Variants in METTL16 observed in about 807,000 individuals in gnomAD.
METTL16 encodes the protein RNA N(6)-adenosine-methyltransferase METTL16.
In METTL16, 19 loss-of-function variants were observed where a neutral mutation model predicts 57.9. The observed-to-expected ratio is 0.33, with a 90% CI of 0.23 to 0.48. METTL16 has a LOEUF of 0.48. METTL16 is among the 20% of genes least tolerant of loss of function. The pLI is 0.99. For missense variants in METTL16, 434 were observed against 691.5 expected (o/e 0.63, Z 4.18); for synonymous variants, 246 against 255.6 (o/e 0.96, Z 0.36).
At chr17:2,509,178 C>T (rs983480326) in intron 1 of METTL16, among the ~76,000 whole-genome samples, 3 of 152,194 alleles carry the variant, frequency 2.0e-5, no homozygotes, top group East Asian at 1.9e-4. Flanking sequence ...GACCTGCAAC[C>T]ATATCCATCC....
At chr17:2,440,272 C>T (rs549999498) in intron 7 of METTL16, among the ~76,000 whole-genome samples, 4 of 150,780 alleles carry the variant, frequency 2.7e-5, no homozygotes, top group Non-Finnish European at 4.4e-5. Flanking sequence ...TTTTTTGAGA[C>T]GGAGTCTCGC....
intron 6 of METTL16, among the ~76,000 whole-genome samples, chr17:2,447,800 G>C (rs2067019666): frequency 8.5e-6 from 1 of 117,998 alleles, no homozygotes; most frequent in East Asian, 2.5e-4. Flanking sequence ...CCGGGAGGGA[G>C]GTGGGGGGGT....
At chr17:2,473,397 T>C in intron 4 of METTL16, 127 bp downstream of exon 4, 1 of 1,035,472 alleles carries the variant, frequency 9.7e-7, no homozygotes, top group Non-Finnish European at 1.4e-6. Flanking sequence ...GCAAACCCAA[T>C]TACAAAGTGC....
chr17:2,478,622 C>G (rs1332967763), intron 2 of METTL16, among the ~76,000 whole-genome samples: 2 of 152,212 alleles, frequency 1.3e-5, no homozygotes, highest in African/African-American at 2.4e-5. Flanking sequence ...AAAAGCAGAA[C>G]TCATGACCAT....
Position 2,417,057 on chromosome 17 carries a change from C to CATTTTTTTTT in METTL16, c.*2912_*2913insAAAAAAAAAT. ...CTGAAAGCTGGCCTGCTCATGGGTT[C>CATTTTTTTTT]CTTTTTTTTTTTTTTTTTTTTTTTT... On this transcript the variant is annotated 3_prime_UTR_variant, in exon 10 of 10. Transcript: ENST00000263092. 1 of 47,248 alleles carries CATTTTTTTTT rather than the reference C, an allele frequency of 2.1e-5. No homozygotes were observed. Among genetic ancestry groups the CATTTTTTTTT allele is most frequent in the Non-Finnish European group, 4.1e-5 (1 of 24,502 alleles). The allele number at this position is 47,248 out of a possible 1,614,324, so 2.9% of individuals were successfully genotyped here.
intron 6 of METTL16, among the ~76,000 whole-genome samples, chr17:2,448,250 C>G (rs1281196133): frequency 5.4e-4 from 62 of 115,246 alleles, no homozygotes; most frequent in Admixed American, 1.3e-3. Flanking sequence ...GTGTGCCCAG[C>G]GGCTCATTGG....
chr17:2,464,272 C>T lies in METTL16; in HGVS notation c.664G>A (p.Gly222Arg). 1 of 1,614,022 alleles carries T rather than the reference C, an allele frequency of 6.2e-7. No individual in the cohort carries two copies. Among genetic ancestry groups the T allele is most frequent in the Non-Finnish European group, 8.5e-7 (1 of 1,179,968 alleles). The change falls in exon 6 of 10, where the codon GGA becomes AGA. Residue 222 changes from glycine (G) to arginine (R), a missense_variant. By Grantham distance (125) the Gly-to-Arg change is moderately radical. Around this residue, in one of 5 missense-constraint regions of METTL16, gnomAD observed 118 missense variants for 280.0 expected, o/e 0.42. Transcript: ENST00000263092. ...CTTTTAACAAACTCTAATTCACCTC[C>T]TTCTGCCATGATCTCTGTGATGCCT... is the stretch of plus-strand genomic sequence containing the variant. ...TGGITEIMAE[G>R]GELEFVKRII...
chr17:2,428,602 T>TATATATATATATATATTAAA (rs376112549), intron 8 of METTL16, among the ~76,000 whole-genome samples: 1 of 94,994 alleles, frequency 1.1e-5, no homozygotes, highest in African/African-American at 4.7e-5. Flanking sequence ...TATATATATA[T>TATATATATATATATATTAAA]AAATTGTAAT....
chr17:2,493,833 T>G (rs2067420351), intron 2 of METTL16, among the ~76,000 whole-genome samples: 1 of 152,004 alleles, frequency 6.6e-6, no homozygotes, highest in Non-Finnish European at 1.5e-5. Context: ...GCCAGGTCAT[T>G]TACACCAAGG....
intron 2 of METTL16, among the ~76,000 whole-genome samples, chr17:2,483,374 G>T (rs547609182): frequency 2.0e-5 from 3 of 152,278 alleles, no homozygotes; most frequent in Admixed American, 6.5e-5. Flanking sequence ...AAAAGTGACT[G>T]ACTCCATTTC....
intron 6 of METTL16, among the ~76,000 whole-genome samples, chr17:2,450,215 A>T (rs2067058231): frequency 6.6e-6 from 1 of 152,224 alleles, no homozygotes; most frequent in Non-Finnish European, 1.5e-5. Flanking sequence ...CCTGGAAATG[A>T]CCCAAATGTC....
At chr17:2,427,502 A>T (rs945186393) in intron 8 of METTL16, among the ~76,000 whole-genome samples, 3 of 152,238 alleles carry the variant, frequency 2.0e-5, no homozygotes, top group Admixed American at 6.5e-5. Context: ...AGCTATTTTC[A>T]GAAATCACTT....
At chr17:2,500,269 CTTT>C in intron 2 of METTL16, among the ~76,000 whole-genome samples, 1 of 145,028 alleles carries the variant, frequency 6.9e-6, no homozygotes, top group Admixed American at 6.7e-5. Flanking sequence ...TCCTAATCTT[CTTT>C]TTTTCTTTTT....
At chr17:2,474,874 C>T (rs992143311) in intron 3 of METTL16, among the ~76,000 whole-genome samples, 1 of 151,986 alleles carries the variant, frequency 6.6e-6, no homozygotes, top group Admixed American at 6.5e-5. Flanking sequence ...GAGCCGAGAT[C>T]GTGCCATTGC....
At chr17:2,471,180 C>T (rs1180172348) in intron 4 of METTL16, among the ~76,000 whole-genome samples, 2 of 152,124 alleles carry the variant, frequency 1.3e-5, no homozygotes, top group Admixed American at 1.3e-4. Context: ...GACTATAAAA[C>T]TCCTAGAAAG....
chr17:2,420,497 G>A lies in METTL16; in HGVS notation c.1162C>T (p.Arg388Cys). The stretch of plus-strand genomic sequence containing the variant: ...GGAACTTCTCTCAGCTGTCTCACAC[G>A]CTCTCTTTTCTTTCTCCTTAAATGA... ...WIHLRRKKRE[R>C]VRQLREVPRA... The change falls in exon 10 of 10, where the codon CGT (arginine) becomes TGT (cysteine). Residue 388 changes from arginine (R) to cysteine (C), a missense_variant. Coordinates refer to ENST00000263092, the MANE Select transcript of METTL16 (RefSeq NM_024086.4). The surrounding 1 kb of genome is among the most constrained non-coding windows in gnomAD (Gnocchi z 5.4). 14 of 1,613,974 alleles carry A rather than the reference G, an allele frequency of 8.7e-6. No individual in the cohort carries two copies. Among genetic ancestry groups the A allele is most frequent in the South Asian group, 2.2e-5 (2 of 91,084 alleles).
rs2151680540 is a variant in METTL16, at chr17:2,417,815, T to A, written c.*2155A>T. ...TTTGACTTTCATTTTTCCAAATCTT[T>A]AATGAGCATGTGCCACTCTTTCATA... On this transcript the variant is annotated 3_prime_UTR_variant, in exon 10 of 10. Transcript: ENST00000263092. 1 of 152,310 alleles carries A rather than the reference T, an allele frequency of 6.6e-6. No homozygotes were observed. The highest frequency in any genetic ancestry group is 1.5e-5 in the Non-Finnish European group (1 of 68,020). 9.4% of individuals were successfully genotyped at this position (152,310 alleles called of 1,614,324 possible). A position where few individuals can be genotyped will look rare whatever the true frequency, so the allele number is the denominator to read the frequency against.
chr17:2,433,517 A>G (rs1049210209), intron 8 of METTL16, among the ~76,000 whole-genome samples: 1 of 152,212 alleles, frequency 6.6e-6, no homozygotes, highest in African/African-American at 2.4e-5. Flanking sequence ...GGTTCTGGCC[A>G]GGCCAGGAAC....
At chr17:2,506,842 A>G (rs935615529) in intron 1 of METTL16, among the ~76,000 whole-genome samples, 6 of 149,870 alleles carry the variant, frequency 4.0e-5, no homozygotes, top group Admixed American at 4.0e-4. Flanking sequence ...GGAAGTGAGG[A>G]GCGTCTCTGC....
Sources: gnomAD v4.1 joint callset for allele counts (sites outside exome capture counted in the v4.1 genomes callset) on GRCh38, gnomAD v4.1.1 for gene constraint, gnomAD v4.1.1 regional missense constraint, Gnocchi (gnomAD v3.1) non-coding constraint, MANE v1.5 for transcripts, NCBI Gene and HGNC (gene_info 2026-07-23, HGNC 2026-07-21) for gene names.